The following IQGAP1 variants were observed in gnomAD, a reference collection of about 807,000 sequenced individuals.
IQGAP1 encodes ras GTPase-activating-like protein IQGAP1.
A neutral mutation model predicts 215.6 loss-of-function variants in IQGAP1; 66 were observed. That is an observed-to-expected ratio of 0.31 (90% CI 0.25 to 0.38). The LOEUF is 0.38. IQGAP1 is among the 10% of genes least tolerant of loss of function. IQGAP1 has a pLI of 1.00. For missense variants in IQGAP1, 1,712 were observed against 1,997.1 expected (o/e 0.86, Z 2.72); for synonymous variants, 772 against 728.7 (o/e 1.06, Z -0.96).
At chr15:90,481,002 C>A (rs1415407125) in intron 26 of IQGAP1, among the ~76,000 whole-genome samples, 1 of 152,144 alleles carries the variant, frequency 6.6e-6, no homozygotes, top group Non-Finnish European at 1.5e-5. Flanking sequence ...CATAACAAAT[C>A]ACCTCAAATT....
At chr15:90,425,909 C>T (rs568513066) in intron 2 of IQGAP1, among the ~76,000 whole-genome samples, 6 of 152,284 alleles carry the variant, frequency 3.9e-5, no homozygotes, top group African/African-American at 1.4e-4. Context: ...GGCATTTATG[C>T]TCAGGAATTT....
rs2256388 is a variant in IQGAP1, at chr15:90,426,103, G to C, written c.156-7G>C. 1 of 1,591,710 alleles carries C rather than the reference G, an allele frequency of 6.3e-7. No homozygotes were observed. Among genetic ancestry groups the C allele is most frequent in the South Asian group, 1.1e-5 (1 of 87,852 alleles). On this transcript the variant is annotated splice_region_variant and splice_polypyrimidine_tract_variant and intron_variant, in intron 2 of 37. Coordinates refer to ENST00000268182, the MANE Select transcript of IQGAP1 (RefSeq NM_003870.4). ...TCTTTTTTTGCATCCTCTCTCCTTT[G>C]GTGCAGGTGGATGGAAGCATGCCTA...
At chr15:90,426,305 C>T in intron 3 of IQGAP1, 39 bp downstream of exon 3, 2 of 1,568,272 alleles carry the variant, frequency 1.3e-6, no homozygotes, top group Non-Finnish European at 1.7e-6. Context: ...TTTCTGTCAA[C>T]TTGAGAAAGT....
chr15:90,483,442 G>T lies in IQGAP1; in HGVS notation c.3637G>T (p.Ala1213Ser). The T allele has an allele frequency of 3.1e-6, 5 of 1,614,160 alleles. No individual in the cohort carries two copies. The highest frequency in any genetic ancestry group is 3.4e-6 in the Non-Finnish European group (4 of 1,180,022). ...TGCCTTTGACATCATTGACCTGTCAGCAGGAGGCCAGCTTACCACAGACCA... is the reference window on the plus strand; with the variant it reads ...TGCCTTTGACATCATTGACCTGTCATCAGGAGGCCAGCTTACCACAGACCA... ...PDAFDIIDLS[A>S]GGQLTTDQRR... The change falls in exon 29 of 38, where the codon GCA becomes TCA. Residue 1213 changes from alanine to serine, a missense_variant. By Grantham distance (99) the Ala-to-Ser change is moderately conservative. Transcript: ENST00000268182.
At chr15:90,396,170 A>G (rs1356525314) in intron 2 of IQGAP1, among the ~76,000 whole-genome samples, 1 of 152,168 alleles carries the variant, frequency 6.6e-6, no homozygotes, top group African/African-American at 2.4e-5. Context: ...TTTTGTGCAT[A>G]TGTCTTTACT....
At chr15:90,449,795 G>T in intron 11 of IQGAP1, 152 bp downstream of exon 11, 1 of 583,618 alleles carries the variant, frequency 1.7e-6, no homozygotes. Context: ...GGTTCCTCCA[G>T]TTTGTTGTTG....
chr15:90,480,679 T>C (rs917318610), intron 26 of IQGAP1, among the ~76,000 whole-genome samples: 2 of 152,190 alleles, frequency 1.3e-5, no homozygotes, highest in Non-Finnish European at 2.9e-5. Flanking sequence ...CTTTTTGTTG[T>C]TGTGGTTGAG....
chr15:90,400,514 AGTT>A (rs1378248941), intron 2 of IQGAP1, among the ~76,000 whole-genome samples: 2 of 152,230 alleles, frequency 1.3e-5, no homozygotes, highest in African/African-American at 2.4e-5. Flanking sequence ...TAGCCAAGAT[AGTT>A]GGGTTACATA....
chr15:90,487,323 T>TA (rs1966140427), intron 32 of IQGAP1, 172 bp from the exon 33 acceptor site: 1 of 659,252 alleles, frequency 1.5e-6, no homozygotes, highest in Non-Finnish European at 2.7e-6. Context: ...CGTACCTACT[T>TA]ATGGAATGGC....
In IQGAP1 at chr15:90,484,353, G is replaced by A. The variant is rs1447907379; in HGVS notation, c.3921+1G>A. On this transcript the variant is annotated splice_donor_variant, in intron 30 of 37. Coordinates refer to ENST00000268182, the MANE Select transcript of IQGAP1 (RefSeq NM_003870.4). LOFTEE classifies it high-confidence loss of function. ...TGGTGAAATCATCAACACCCACACT[G>A]TAAGTATTTTTCTTTAATTACTTAA... 1 of 1,605,514 alleles carries A rather than the reference G, an allele frequency of 6.2e-7. No individual in the cohort carries two copies.
chr15:90,416,702 C>T (rs542940049), intron 2 of IQGAP1, among the ~76,000 whole-genome samples: 92 of 152,050 alleles, frequency 6.1e-4, no homozygotes, highest in Non-Finnish European at 9.6e-4. Flanking sequence ...CTCAGCCTCC[C>T]GAGTAGCTGG....
At chr15:90,471,681 G>C (rs914540866) in intron 18 of IQGAP1, among the ~76,000 whole-genome samples, 1 of 151,930 alleles carries the variant, frequency 6.6e-6, no homozygotes, top group Non-Finnish European at 1.5e-5. Flanking sequence ...TGTATTTTTA[G>C]TAGAGATGGG....
rs759069551 is a variant in IQGAP1 at position 90,472,913 on chromosome 15, G to C, written c.2252G>C (p.Arg751Thr). The C allele has an allele frequency of 6.2e-7, 1 of 1,613,868 alleles. No individual in the cohort carries two copies. Among genetic ancestry groups the C allele is most frequent in the African/African-American group, 1.3e-5 (1 of 74,880 alleles). Reference sequence around the variant, plus strand: ...CTGGCCAATGAAGGCCTGATCACCAGGCTGCAGGCTCGCTGCCGTGGATAC... The same window carrying C: ...CTGGCCAATGAAGGCCTGATCACCACGCTGCAGGCTCGCTGCCGTGGATAC... ...LWLANEGLIT[R>T]LQARCRGYLV... is the part of the protein sequence containing the mutation. Residue 751 changes from arginine (R) to threonine (T), a missense_variant, in exon 19 of 38, where the codon AGG becomes ACG. Arg to Thr is a moderately conservative substitution (Grantham distance 71, BLOSUM62 -1). Coordinates refer to ENST00000268182, the MANE Select transcript of IQGAP1 (RefSeq NM_003870.4).
At chr15:90,477,912 T>C in intron 26 of IQGAP1, 23 bp downstream of exon 26, 1 of 1,436,396 alleles carries the variant, frequency 7.0e-7, no homozygotes, top group East Asian at 2.3e-5. Context: ...TAATGACACT[T>C]TTCTTTCATG....
intron 36 of IQGAP1, chr15:90,496,873 A>G (rs1966281397): frequency 6.0e-6 from 1 of 165,872 alleles, no homozygotes. Flanking sequence ...CTCCTTCCCC[A>G]GTGTCCTCCG....
At chr15:90,401,032 G>A (rs1214540253) in intron 2 of IQGAP1, among the ~76,000 whole-genome samples, 1 of 152,212 alleles carries the variant, frequency 6.6e-6, no homozygotes, top group Non-Finnish European at 1.5e-5. Flanking sequence ...ACATCCGGAA[G>A]TGATTCATAT....
At chr15:90,476,954 T>C in intron 24 of IQGAP1, 113 bp from the exon 25 acceptor site, 2 of 1,329,236 alleles carry the variant, frequency 1.5e-6, no homozygotes, top group Non-Finnish European at 2.1e-6. Flanking sequence ...AACATGTTAA[T>C]TTATTAATCT....
At chr15:90,498,236 A>T (rs1025293775) in intron 37 of IQGAP1, among the ~76,000 whole-genome samples, 3 of 152,202 alleles carry the variant, frequency 2.0e-5, no homozygotes, top group African/African-American at 7.2e-5. Flanking sequence ...CCTTAAGGAC[A>T]GGTAGCATTT....
chr15:90,417,949 C>A (rs1455452595), intron 2 of IQGAP1, among the ~76,000 whole-genome samples: 1 of 152,118 alleles, frequency 6.6e-6, no homozygotes, highest in Non-Finnish European at 1.5e-5. Context: ...AGTTGGATTC[C>A]TAAGTATTTT....
Sources: gnomAD v4.1 joint callset for allele counts (sites outside exome capture counted in the v4.1 genomes callset) on GRCh38, gnomAD v4.1.1 for gene constraint, MANE v1.5 for transcripts, NCBI Gene and HGNC (gene_info 2026-07-23, HGNC 2026-07-21) for gene names.